MYH13: variants seen among roughly 807,000 people sequenced by gnomAD.
The protein encoded by MYH13 is myosin-13.
Under a neutral mutation model 232.1 loss-of-function variants are expected in MYH13, and 177 were observed. The observed-to-expected ratio is 0.76, with a 90% confidence interval of 0.67 to 0.86. MYH13 has a LOEUF of 0.86. Ranked by LOEUF, MYH13 falls within the 40% of genes least tolerant of loss-of-function variation. The pLI is 0.00. For missense variants in MYH13, 2,246 were observed against 2,405.9 expected, an observed-to-expected ratio of 0.93 and a Z score of 1.39; for synonymous variants, 884 against 923.5, an observed-to-expected ratio of 0.96 and a Z score of 0.78.
In MYH13 at chr17:10,309,713, T is replaced by C; in HGVS notation, c.4774A>G (p.Arg1592Gly). The change falls in exon 34 of 41, where the codon AGA becomes GGA. Residue 1592 changes from arginine (R) to glycine (G), a missense_variant. By Grantham distance (125) the Arg-to-Gly change is moderately radical (BLOSUM62 -2). Coordinates refer to ENST00000252172, the MANE Select transcript of MYH13 (RefSeq NM_003802.3). ...GCCTCTGCTGCCCGCTGGCTGTTTCTTTTTAGCTGCTCGATTTCTTCATCC... is the reference window on the plus strand; with the variant it reads ...GCCTCTGCTGCCCGCTGGCTGTTTCCTTTTAGCTGCTCGATTTCTTCATCC... ...EKDEEIEQLK[R>G]NSQRAAEALQ... 6.2e-7 allele frequency: 1 copy of C among 1,605,498 alleles called. No individual in the cohort carries two copies. Among genetic ancestry groups the C allele is most frequent in the Non-Finnish European group, 8.5e-7 (1 of 1,175,884 alleles).
At chr17:10,325,359 T>G (rs978425202) in intron 22 of MYH13, among the ~76,000 whole-genome samples, 3 of 152,080 alleles carry the variant, frequency 2.0e-5, no homozygotes, top group African/African-American at 7.2e-5. Flanking sequence ...TTATTTATTT[T>G]CTAGAGATAA....
intron 5 of MYH13, among the ~76,000 whole-genome samples, chr17:10,360,847 G>A (rs1208864902): frequency 6.6e-6 from 1 of 152,158 alleles, no homozygotes; most frequent in Non-Finnish European, 1.5e-5. Flanking sequence ...AGACACACAA[G>A]CACATGGGGA....
intron 20 of MYH13, 65 bp from the exon 21 acceptor site, chr17:10,330,588 G>GGGGC: frequency 6.5e-7 from 1 of 1,544,874 alleles, no homozygotes; most frequent in Non-Finnish European, 8.7e-7. Context: ...GGCCCTTGAG[G>GGGGC]GGGCCTGTTT....
intron 33 of MYH13, among the ~76,000 whole-genome samples, chr17:10,310,179 C>G (rs979319745): frequency 1.3e-5 from 2 of 151,628 alleles, no homozygotes; most frequent in African/African-American, 4.9e-5. Flanking sequence ...CAACCTCCAC[C>G]CCCTGGGTTC....
chr17:10,300,878 G>A lies in MYH13; in HGVS notation c.*73C>T, dbSNP rs1906063718. 1 of 1,459,158 alleles carries A rather than the reference G, an allele frequency of 6.9e-7. No homozygotes were observed. Among genetic ancestry groups the A allele is most frequent in the Non-Finnish European group, 9.5e-7 (1 of 1,047,440 alleles). 90.4% of individuals were successfully genotyped at this position (1,459,158 alleles called of 1,614,324 possible). A position where few individuals can be genotyped will look rare whatever the true frequency, so the allele number is the denominator to read the frequency against. ...CAGAGCCGGGAATCCGAGTATTTAG[G>A]AGAATTTATTTCTCACACATTTTCC... On this transcript the variant is annotated 3_prime_UTR_variant, in exon 41 of 41. Transcript: ENST00000252172.
chr17:10,364,152 AAG>A (rs1179823961), intron 3 of MYH13, among the ~76,000 whole-genome samples, 173 bp downstream of exon 3: 19 of 152,210 alleles, frequency 1.2e-4, no homozygotes, highest in African/African-American at 4.1e-4. Flanking sequence ...GGAAAGAGGC[AAG>A]AGTGAAGGTG....
rs1567666681 is a variant in MYH13, at chr17:10,340,339, C to G, written c.1957G>C (p.Ala653Pro). The G allele has an allele frequency of 6.2e-7, 1 of 1,613,860 alleles. No homozygotes were observed. Among genetic ancestry groups the G allele is most frequent in the African/African-American group, 1.3e-5 (1 of 75,010 alleles). ...GCCAAAACACCAACCCTGAACACGG[C>G]CGACACGGTCTGGAAAGAGGAGCCC... ...KKGSSFQTVS[A>P]VFRENLNKLM... The change falls in exon 17 of 41, where the codon GCC (alanine) becomes CCC (proline). Residue 653 changes from alanine (A) to proline (P), a missense_variant. Coordinates refer to ENST00000252172, the MANE Select transcript of MYH13 (RefSeq NM_003802.3).
At chr17:10,330,566 G>T in intron 20 of MYH13, 43 bp from the exon 21 acceptor site, 1 of 1,569,426 alleles carries the variant, frequency 6.4e-7, no homozygotes. Flanking sequence ...TTCCCCAGCA[G>T]GCGTTCAGCC....
In MYH13 at chr17:10,339,854, G is replaced by T. The variant is rs114810985; in HGVS notation, c.2056+296C>A. Among the ~76,000 whole-genome samples, 888 of 152,172 alleles carry T rather than the reference G, an allele frequency of 5.8e-3. 11 individuals carry two copies. Among genetic ancestry groups the T allele is most frequent in the African/African-American group, 0.02 (843 of 41,516 alleles). ...GCATTTGGTTTTTAGCATTTTTGTG[G>T]TTACATAATAGTTGAACATATTTAT... On this transcript the variant is annotated intron_variant, in intron 18 of 40. Transcript: ENST00000252172.
In MYH13 at chr17:10,332,237, C is replaced by A. The variant is rs760672018; in HGVS notation, c.2175-15G>T. On this transcript the variant is annotated splice_polypyrimidine_tract_variant and intron_variant, in intron 19 of 40. Coordinates refer to ENST00000252172, the MANE Select transcript of MYH13 (RefSeq NM_003802.3). ...GGATCCGGTACCTAAGGAGAGAGGA[C>A]ATTTCCCAAATGGATTCCAATCCCC... The A allele has an allele frequency of 3.7e-6, 6 of 1,612,176 alleles. No individual in the cohort carries two copies. In the East Asian group the frequency reaches 8.9e-5, roughly 24 times the overall value.
chr17:10,333,635 G>A (rs972266183), intron 18 of MYH13, among the ~76,000 whole-genome samples: 10 of 152,292 alleles, frequency 6.6e-5, no homozygotes, highest in East Asian at 1.9e-4. Context: ...GGCTGGGCGC[G>A]GTGGCTCATG....
At chr17:10,355,828 C>CTTTTTTTTTTTTTTTTTTT (rs61338527) in intron 8 of MYH13, among the ~76,000 whole-genome samples, 8 of 66,814 alleles carry the variant, frequency 1.2e-4, no homozygotes, top group African/African-American at 2.6e-4. Context: ...TTCTGTCTGA[C>CTTTTTTTTTTTTTTTTTTT]TTTTTTTTTT....
At chr17:10,309,119 G>T in intron 35 of MYH13, 115 bp downstream of exon 35, 1 of 1,071,932 alleles carries the variant, frequency 9.3e-7, no homozygotes, top group Non-Finnish European at 1.3e-6. Context: ...GAAACCGGGT[G>T]CTCCTTCCCA....
chr17:10,346,563 C>T (rs2071667729), intron 13 of MYH13, 117 bp downstream of exon 13: 2 of 685,308 alleles, frequency 2.9e-6, no homozygotes, highest in South Asian at 2.1e-5. Context: ...TGAACTTCCT[C>T]TTAATGTGAA....
At chr17:10,314,369 C>T (rs1174342936) in intron 29 of MYH13, among the ~76,000 whole-genome samples, 2 of 150,320 alleles carry the variant, frequency 1.3e-5, no homozygotes, top group Non-Finnish European at 1.5e-5. Flanking sequence ...GAGCCAAGAT[C>T]GAGCCATTGC....
intron 35 of MYH13, 108 bp from the exon 36 acceptor site, chr17:10,307,172 T>C: frequency 1.4e-6 from 2 of 1,409,824 alleles, no homozygotes; most frequent in Non-Finnish European, 1.9e-6. Flanking sequence ...GTTCCATTTC[T>C]TATTTTTCAC....
At chr17:10,330,586 A>G in intron 20 of MYH13, 63 bp from the exon 21 acceptor site, 1 of 1,546,062 alleles carries the variant, frequency 6.5e-7, no homozygotes, top group African/African-American at 1.4e-5. Context: ...CGGGCCCTTG[A>G]GGGGGCCTGT....
rs549780365 is a variant in MYH13 at position 10,326,457 on chromosome 17, TTTTC to T, written c.2691+1405_2691+1408del. ...AATTATACTGCCCCATTTCTTTTCT[TTTTC>T]TTTCTTTCTTTCTTTTTTCTTTTTT... On this transcript the variant is annotated intron_variant, in intron 22 of 40. Transcript: ENST00000252172. Among the ~76,000 whole-genome samples the T allele has an allele frequency of 1.3e-3, 191 of 151,308 alleles. 1 individual carries two copies. The highest frequency in any genetic ancestry group is 4.0e-3 in the South Asian group (19 of 4,760).
rs1400109220 is a variant in MYH13 at position 10,364,598 on chromosome 17, A to G, written c.-12-56T>C. ...GTGCTTGGGTGACTGCTGAAGCTGC[A>G]GGGCCCCTACCCTTATTCTATTAAA... On this transcript the variant is annotated intron_variant, in intron 2 of 40. Coordinates refer to ENST00000252172, the MANE Select transcript of MYH13 (RefSeq NM_003802.3). 15 of 1,446,500 alleles carry G rather than the reference A, an allele frequency of 1.0e-5. No homozygotes were observed. The East Asian group carries it at 3.7e-4, about 36-fold the overall frequency. 89.6% of individuals were successfully genotyped at this position (1,446,500 alleles called of 1,614,324 possible).
Sources: allele counts gnomAD v4.1 joint callset (sites outside exome capture counted in the v4.1 genomes callset), GRCh38; gene constraint gnomAD v4.1.1; transcripts MANE v1.5; gene names NCBI Gene and HGNC (gene_info 2026-07-23, HGNC 2026-07-21).